SOCS5: variants seen among roughly 807,000 people sequenced by gnomAD.
The protein encoded by SOCS5 is CIS-6.
In SOCS5, 32 loss-of-function variants were observed where a neutral mutation model predicts 42.8. The observed-to-expected ratio is 0.75, with a 90% CI of 0.56 to 1.01. The LOEUF (loss-of-function observed/expected upper bound fraction) is 1.01. Among genes scored for constraint, SOCS5 ranks in the 50% least tolerant of loss-of-function variants. SOCS5 has a pLI of 0.00. For missense variants in SOCS5, 627 were observed against 653.0 expected (o/e 0.96, Z 0.43); for synonymous variants, 283 against 229.6 (o/e 1.23, Z -2.10).
intron 1 of SOCS5, among the ~76,000 whole-genome samples, chr2:46,719,870 C>G (rs148545315): frequency 6.6e-6 from 1 of 152,086 alleles, no homozygotes; most frequent in African/African-American, 2.4e-5. Flanking sequence ...CCTCGGCAGT[C>G]GCAGATCCAG....
chr2:46,715,319 C>A (rs1188473938), intron 1 of SOCS5, among the ~76,000 whole-genome samples: 2 of 150,952 alleles, frequency 1.3e-5, no homozygotes, highest in East Asian at 1.9e-4. Flanking sequence ...CTGCAGTGAG[C>A]CTAGATCATG....
chr2:46,732,059 GTA>G (rs1213251356), intron 1 of SOCS5, among the ~76,000 whole-genome samples: 3 of 152,166 alleles, frequency 2.0e-5, no homozygotes, highest in Non-Finnish European at 4.4e-5. Context: ...GATGTTTGAG[GTA>G]TATGTGTTGT....
chr2:46,730,426 C>T (rs1673090105), intron 1 of SOCS5, among the ~76,000 whole-genome samples: 1 of 151,848 alleles, frequency 6.6e-6, no homozygotes, highest in African/African-American at 2.4e-5. Context: ...CATGGTGAAA[C>T]CCCGTCTCTA....
intron 1 of SOCS5, among the ~76,000 whole-genome samples, chr2:46,731,943 A>G (rs1403599525): frequency 6.6e-6 from 1 of 152,222 alleles, no homozygotes; most frequent in Non-Finnish European, 1.5e-5. Context: ...CTTGTGAGAT[A>G]CTGTGAAATG....
At chr2:46,744,606 C>T (rs1319808042) in intron 1 of SOCS5, among the ~76,000 whole-genome samples, 1 of 151,570 alleles carries the variant, frequency 6.6e-6, no homozygotes, top group Admixed American at 6.6e-5. Context: ...TGGCTCACTG[C>T]AACCTCTGCC....
chr2:46,728,716 C>T (rs144819014), intron 1 of SOCS5, among the ~76,000 whole-genome samples: 2,233 of 152,224 alleles, frequency 0.015, 64 homozygotes, highest in African/African-American at 0.051. Context: ...CCACCATGCC[C>T]GGCTAATTTT....
chr2:46,756,469 C>A (rs754202230), intron 1 of SOCS5, among the ~76,000 whole-genome samples: 2 of 152,192 alleles, frequency 1.3e-5, no homozygotes, highest in Non-Finnish European at 2.9e-5. Context: ...CTTCAAAAAA[C>A]AGGCCACAGG....
chr2:46,740,903 A>G (rs542625378), intron 1 of SOCS5, among the ~76,000 whole-genome samples: 17 of 152,286 alleles, frequency 1.1e-4, no homozygotes, highest in African/African-American at 3.9e-4. Flanking sequence ...TTCCTCAGCC[A>G]TACACACCCA....
chr2:46,729,434 G>A (rs1673065284), intron 1 of SOCS5, among the ~76,000 whole-genome samples: 2 of 152,122 alleles, frequency 1.3e-5, no homozygotes, highest in African/African-American at 4.8e-5. Context: ...AACCTAGATG[G>A]TATAGCGTAC....
chr2:46,709,580 A>T (rs562060581), intron 1 of SOCS5, among the ~76,000 whole-genome samples: 1 of 152,210 alleles, frequency 6.6e-6, no homozygotes. Context: ...GTACCAAGAA[A>T]GTAATAGAAC....
rs183103594 is a variant in SOCS5 at position 46,762,063 on chromosome 2, A to C, written c.*1922A>C. 4 of 167,160 alleles carry C rather than the reference A, an allele frequency of 2.4e-5. No homozygotes were observed. The East Asian group carries it at 7.7e-4, about 32-fold the overall frequency. The allele number at this position is 167,160 out of a possible 1,614,324, so 10.4% of individuals were successfully genotyped here. On this transcript the variant is annotated 3_prime_UTR_variant, in exon 2 of 2. Coordinates refer to ENST00000394861, the MANE Select transcript of SOCS5 (RefSeq NM_144949.3). ...TCTTAATTAAAAATAAATGCCCAAA[A>C]TGTAGAACTTTAACCAAAGACTTGT...
chr2:46,710,713 T>A (rs1672601553), intron 1 of SOCS5, among the ~76,000 whole-genome samples: 1 of 152,172 alleles, frequency 6.6e-6, no homozygotes, highest in East Asian at 1.9e-4. Context: ...AATTTAAAGA[T>A]CTAAATAGGG....
chr2:46,744,108 G>C (rs1386828585), intron 1 of SOCS5, among the ~76,000 whole-genome samples: 1 of 151,954 alleles, frequency 6.6e-6, no homozygotes, highest in Non-Finnish European at 1.5e-5. Context: ...TCCTCCCTCA[G>C]CCTCCCTAGT....
chr2:46,720,194 A>C (rs1190806218), intron 1 of SOCS5, among the ~76,000 whole-genome samples: 1 of 152,226 alleles, frequency 6.6e-6, no homozygotes, highest in Non-Finnish European at 1.5e-5. Flanking sequence ...TAAAGTGATT[A>C]GTACAATTCC....
intron 1 of SOCS5, among the ~76,000 whole-genome samples, chr2:46,716,782 A>G (rs907645047): frequency 6.6e-6 from 1 of 152,154 alleles, no homozygotes; most frequent in Non-Finnish European, 1.5e-5. Context: ...GGCCAATTTT[A>G]TGAATCAACT....
chr2:46,736,863 G>A (rs535945562), intron 1 of SOCS5, among the ~76,000 whole-genome samples: 8 of 150,694 alleles, frequency 5.3e-5, no homozygotes, highest in South Asian at 2.1e-4. Context: ...TTTAATATTT[G>A]CATTATGTTT....
rs563143982 is a variant in SOCS5, at chr2:46,708,150, T to C, written c.-13+8701T>C. On this transcript the variant is annotated intron_variant, in intron 1 of 1. Transcript: ENST00000394861. Reference sequence around the variant, plus strand: ...TCAAGGATGACATTTAAGGCTCTGCTCTAGTTCAAGAAAGAGACTAATTAT... The same window carrying C: ...TCAAGGATGACATTTAAGGCTCTGCCCTAGTTCAAGAAAGAGACTAATTAT... 2.6e-5 allele frequency among the ~76,000 whole-genome samples: 4 copies of C among 152,314 alleles called. No individual in the cohort carries two copies. The East Asian group carries it at 5.8e-4, about 22-fold the overall frequency.
At chr2:46,706,614 A>G (rs1462673175) in intron 1 of SOCS5, among the ~76,000 whole-genome samples, 1 of 152,252 alleles carries the variant, frequency 6.6e-6, no homozygotes, top group Non-Finnish European at 1.5e-5. Flanking sequence ...CATTAATAAA[A>G]GGAACATTAA....
At chr2:46,727,605 G>A (rs992095836) in intron 1 of SOCS5, among the ~76,000 whole-genome samples, 1 of 152,240 alleles carries the variant, frequency 6.6e-6, no homozygotes, top group South Asian at 2.1e-4. Context: ...GTGCTTCGCT[G>A]TTTGGGTCTG....
Sources: allele counts gnomAD v4.1 joint callset (sites outside exome capture counted in the v4.1 genomes callset), GRCh38; gene constraint gnomAD v4.1.1; transcripts MANE v1.5; gene names NCBI Gene and HGNC (gene_info 2026-07-23, HGNC 2026-07-21).